Variants in PCDHGB1 observed in about 807,000 individuals in gnomAD.
PCDHGB1 encodes the protein protocadherin gamma-B1.
In PCDHGB1, 34 loss-of-function variants were observed where a neutral mutation model predicts 56.6. That is an observed-to-expected ratio of 0.60 (90% CI 0.46 to 0.80). The LOEUF (loss-of-function observed/expected upper bound fraction) is 0.80, where lower values mean the gene tolerates loss of function less well. Ranked by LOEUF, PCDHGB1 falls within the 30% of genes least tolerant of loss-of-function variation. The pLI, the probability that PCDHGB1 is intolerant of heterozygous loss-of-function variation, is 0.00. For missense variants in PCDHGB1, 1,278 were observed against 1,204.6 expected (o/e 1.06, Z -0.90); for synonymous variants, 561 against 505.9 (o/e 1.11, Z -1.46).
chr5:141,499,073 G>T (rs2099789305), intron 2 of PCDHGB1, among the ~76,000 whole-genome samples: 1 of 152,064 alleles, frequency 6.6e-6, no homozygotes, highest in Admixed American at 6.5e-5. Flanking sequence ...CTTACATTCT[G>T]AAGTTCCTGC....
intron 1 of PCDHGB1, chr5:141,413,929 CGAGTGAGTGTTCCT>C: frequency 6.2e-7 from 1 of 1,613,342 alleles, no homozygotes; most frequent in Non-Finnish European, 8.5e-7. Flanking sequence ...GCCAGAATAC[CGAGTGAGTGTTCCT>C]GAGAATTTGC....
At chr5:141,370,837 C>G (rs1212771531) in intron 1 of PCDHGB1, 1 of 1,614,004 alleles carries the variant, frequency 6.2e-7, no homozygotes, top group Non-Finnish European at 8.5e-7. Context: ...CTGGCTCTCA[C>G]TGGAGCCACA....
At chr5:141,389,539 AC>A (rs750868475) in intron 1 of PCDHGB1, 1 of 1,613,100 alleles carries the variant, frequency 6.2e-7, no homozygotes, top group African/African-American at 1.3e-5. Context: ...TTAGTGGACG[AC>A]CGCAACGACA....
chr5:141,387,321 T>G (rs2090906935), intron 1 of PCDHGB1, among the ~76,000 whole-genome samples: 1 of 152,226 alleles, frequency 6.6e-6, no homozygotes, highest in African/African-American at 2.4e-5. Context: ...TGAGTAAGTA[T>G]GGAAAATTAC....
chr5:141,466,766 T>G (rs1309395984), intron 1 of PCDHGB1, among the ~76,000 whole-genome samples: 2 of 152,194 alleles, frequency 1.3e-5, no homozygotes, highest in Non-Finnish European at 2.9e-5. Context: ...TTTCAAACTG[T>G]TATCTTATTC....
Position 141,491,522 on chromosome 5 carries a change from A to G in PCDHGB1, c.2410-3285A>G, listed in dbSNP as rs778246278. ...TCGGACGGCACGCTCAAGTACATGG[A>G]GGTGACGCTGCGGCCCACAGACTCG... is the stretch of plus-strand genomic sequence containing the variant. On this transcript the variant is annotated intron_variant, in intron 1 of 3. Coordinates refer to ENST00000523390, the MANE Select transcript of PCDHGB1 (RefSeq NM_018922.3). The surrounding 1 kb of genome is among the most constrained non-coding windows in gnomAD (Gnocchi z 6.9). 8.1e-6 allele frequency: 13 copies of G among 1,614,024 alleles called. No homozygotes were observed. Among genetic ancestry groups the G allele is most frequent in the Non-Finnish European group, 1.1e-5 (13 of 1,180,002 alleles).
chr5:141,448,788 A>C (rs865953914), intron 1 of PCDHGB1, among the ~76,000 whole-genome samples: 3 of 151,964 alleles, frequency 2.0e-5, no homozygotes, highest in South Asian at 2.1e-4. Flanking sequence ...AAAATACAAA[A>C]AAAAAAATTA....
intron 1 of PCDHGB1, chr5:141,364,259 C>T: frequency 6.7e-7 from 1 of 1,498,884 alleles, no homozygotes. Context: ...AATATGTACC[C>T]ATCGGCTTTA....
At chr5:141,482,457 C>T (rs1279922250) in intron 1 of PCDHGB1, among the ~76,000 whole-genome samples, 3 of 147,484 alleles carry the variant, frequency 2.0e-5, no homozygotes, top group Non-Finnish European at 3.0e-5. Context: ...TATTAGCATC[C>T]CTATGTGCCA....
At chr5:141,438,362 T>C (rs1471364176) in intron 1 of PCDHGB1, among the ~76,000 whole-genome samples, 1 of 151,850 alleles carries the variant, frequency 6.6e-6, no homozygotes, top group East Asian at 1.9e-4. Flanking sequence ...TGTATTGTCA[T>C]TGAGGGCAGA....
At position 141,408,970 on chromosome 5, in the gene PCDHGB1, C is replaced by T. The variant is rs755949698; in HGVS notation, c.2409+56301C>T. The stretch of plus-strand genomic sequence containing the variant: ...GAATTAGTCTTAGTGAAAATCTGCC[C>T]CCTGGGTCCCCTGTGTTGCAAGTGA... On this transcript the variant is annotated intron_variant, in intron 1 of 3. Coordinates refer to ENST00000523390, the MANE Select transcript of PCDHGB1 (RefSeq NM_018922.3). 10 of 1,613,770 alleles carry T rather than the reference C, an allele frequency of 6.2e-6. No homozygotes were observed. The South Asian group carries it at 1.1e-4, about 18-fold the overall frequency.
chr5:141,420,789 C>G (rs1403213574), intron 1 of PCDHGB1, among the ~76,000 whole-genome samples: 2 of 152,198 alleles, frequency 1.3e-5, no homozygotes, highest in Non-Finnish European at 2.9e-5. Flanking sequence ...ATTTTGAAAA[C>G]TTTTTAAAAA....
intron 2 of PCDHGB1, 69 bp from the exon 3 acceptor site, chr5:141,505,324 G>T: frequency 6.2e-7 from 1 of 1,607,102 alleles, no homozygotes; most frequent in African/African-American, 1.3e-5. Context: ...GGAGCCCTGG[G>T]AGAGGACAGG....
intron 2 of PCDHGB1, among the ~76,000 whole-genome samples, chr5:141,499,265 C>T (rs1220250999): frequency 6.6e-6 from 1 of 152,128 alleles, no homozygotes; most frequent in African/African-American, 2.4e-5. Context: ...CATTTGGTCC[C>T]TAGACTGTTC....
chr5:141,400,713 T>G (rs1225008709), intron 1 of PCDHGB1: 1 of 686,914 alleles, frequency 1.5e-6, no homozygotes, highest in Admixed American at 3.0e-5. Flanking sequence ...GAAGTAGCCT[T>G]ATAGATTTAC....
In PCDHGB1 at chr5:141,403,923, G is replaced by T. The variant is rs199643799; in HGVS notation, c.2409+51254G>T. 1.2e-3 allele frequency: 1,935 copies of T among 1,613,900 alleles called. 4 individuals carry two copies. Among genetic ancestry groups the T allele is most frequent in the Non-Finnish European group, 1.5e-3 (1,744 of 1,179,882 alleles). On this transcript the variant is annotated intron_variant, in intron 1 of 3. Transcript: ENST00000523390. The stretch of plus-strand genomic sequence containing the variant: ...GAAATGGAAATACAAGCTGAAGATG[G>T]TGGGGGATTGAAAGGGTGGACAAAA...
At chr5:141,443,088 T>G (rs188899890) in intron 1 of PCDHGB1, among the ~76,000 whole-genome samples, 1 of 151,974 alleles carries the variant, frequency 6.6e-6, no homozygotes, top group African/African-American at 2.4e-5. Context: ...TGTTCCAGTC[T>G]CCTTCTCAAG....
chr5:141,388,628 G>A (rs752578230), intron 1 of PCDHGB1: 2 of 1,613,898 alleles, frequency 1.2e-6, no homozygotes. Flanking sequence ...ACGTATACAG[G>A]GTGAGCCTTT....
At chr5:141,365,711 G>A (rs750945400) in intron 1 of PCDHGB1, 34 of 1,613,386 alleles carry the variant, frequency 2.1e-5, no homozygotes, top group Non-Finnish European at 3.4e-6. Context: ...CTCCACCTCT[G>A]TCACAGAAAA....
Sources: allele counts gnomAD v4.1 joint callset (sites outside exome capture counted in the v4.1 genomes callset), GRCh38; gene constraint gnomAD v4.1.1; non-coding constraint Gnocchi (gnomAD v3.1); transcripts MANE v1.5; gene names NCBI Gene and HGNC (gene_info 2026-07-23, HGNC 2026-07-21).